The following ADAMTS2 variants were observed in gnomAD, a reference collection of about 807,000 sequenced individuals.
ADAMTS2 encodes A disintegrin and metalloproteinase with thrombospondin motifs 2.
ADAMTS2 carries 50 observed loss-of-function variants against 123.0 expected under a neutral mutation model. That is an observed-to-expected ratio of 0.41 (90% CI 0.32 to 0.51). ADAMTS2 has a LOEUF of 0.51. ADAMTS2 is among the 20% of genes least tolerant of loss of function. The probability of loss-of-function intolerance (pLI) is 0.35; values close to 1 mark genes in which losing one functional copy is unlikely to be tolerated. For synonymous variants in ADAMTS2, 678 were observed against 695.4 expected, an observed-to-expected ratio of 0.98 and a Z score of 0.39; for missense variants, 1,494 against 1,705.2, an observed-to-expected ratio of 0.88 and a Z score of 2.18.
At chr5:179,281,654 G>C (rs1237661894) in intron 2 of ADAMTS2, among the ~76,000 whole-genome samples, 1 of 152,164 alleles carries the variant, frequency 6.6e-6, no homozygotes. Context: ...GAACATCTGT[G>C]GACAAGTTTT....
chr5:179,247,137 C>T (rs1318769837), intron 3 of ADAMTS2, among the ~76,000 whole-genome samples: 2 of 151,874 alleles, frequency 1.3e-5, no homozygotes, highest in African/African-American at 4.8e-5. Flanking sequence ...GGGCAAATAA[C>T]GTAAGTAAAG....
chr5:179,224,179 C>T (rs199586675), intron 3 of ADAMTS2, among the ~76,000 whole-genome samples: 34 of 152,256 alleles, frequency 2.2e-4, no homozygotes, highest in South Asian at 1.0e-3. Flanking sequence ...GTGAGGTCAG[C>T]GGGGCAGGTG....
At chr5:179,140,081 C>G (rs34369919) in intron 10 of ADAMTS2, 46 bp from the exon 11 acceptor site, 1 of 1,612,436 alleles carries the variant, frequency 6.2e-7, no homozygotes, top group Admixed American at 1.7e-5. Flanking sequence ...CACACCGGGC[C>G]GTGGGGACAG....
intron 2 of ADAMTS2, among the ~76,000 whole-genome samples, chr5:179,337,184 C>T (rs1185025025): frequency 6.6e-6 from 1 of 152,126 alleles, no homozygotes; most frequent in African/African-American, 2.4e-5. Context: ...CCGGGGTAAC[C>T]ACCAGTAGGG....
At chr5:179,296,841 A>G in intron 2 of ADAMTS2, among the ~76,000 whole-genome samples, 1 of 152,194 alleles carries the variant, frequency 6.6e-6, no homozygotes. Flanking sequence ...TATCACTAAC[A>G]CAACCATCAA....
chr5:179,163,203 GC>G (rs1763632847), intron 5 of ADAMTS2, among the ~76,000 whole-genome samples: 1 of 152,238 alleles, frequency 6.6e-6, no homozygotes, highest in African/African-American at 2.4e-5. Context: ...GCCTACAGGA[GC>G]AAGGCAGGTG....
rs1014392547 is a variant in ADAMTS2, at chr5:179,207,522, G to C, written c.882C>G (p.Leu294=). Reference sequence around the variant, plus strand: ...CAGCCACCCCACTCACAATGTTCATGAGTGTCAGCAGGTACTTCTGTACGT... The same window carrying C: ...CAGCCACCCCACTCACAATGTTCATCAGTGTCAGCAGGTACTTCTGTACGT... The part of the protein sequence containing the change: ...KEHVQKYLLT[L]MNIVNEIYHD... The change falls in exon 4 of 22, where the codon CTC becomes CTG. Residue 294 remains leucine, a synonymous_variant. Coordinates refer to ENST00000251582, the MANE Select transcript of ADAMTS2 (RefSeq NM_014244.5). The C allele has an allele frequency of 1.4e-6, 2 of 1,389,914 alleles. No homozygotes were observed. The highest frequency in any genetic ancestry group is 3.1e-5 in the African/African-American group (2 of 64,030). 86.1% of individuals were successfully genotyped at this position (1,389,914 alleles called of 1,614,324 possible). A position where few individuals can be genotyped will look rare whatever the true frequency, so the allele number is the denominator to read the frequency against.
chr5:179,216,080 C>T (rs1764971930), intron 3 of ADAMTS2, among the ~76,000 whole-genome samples: 1 of 152,192 alleles, frequency 6.6e-6, no homozygotes, highest in Non-Finnish European at 1.5e-5. Flanking sequence ...AAGAGTAAGA[C>T]ACAGATATAG....
rs574427659 is a variant in ADAMTS2, at chr5:179,328,312, G to A, written c.534+15455C>T. Among the ~76,000 whole-genome samples, 18 of 152,366 alleles carry A rather than the reference G, an allele frequency of 1.2e-4. No homozygotes were observed. The East Asian group carries it at 2.1e-3, about 18-fold the overall frequency. On this transcript the variant is annotated intron_variant, in intron 2 of 21. Coordinates refer to ENST00000251582, the MANE Select transcript of ADAMTS2 (RefSeq NM_014244.5). ...CTCCCAAAGTGCTGGGATTGCAGGCGTGAGCCACCGCACCCGGCAAGAGAT... is the reference window on the plus strand; with the variant it reads ...CTCCCAAAGTGCTGGGATTGCAGGCATGAGCCACCGCACCCGGCAAGAGAT...
rs543452977 is a variant in ADAMTS2, at chr5:179,266,732, C to T, written c.688+6179G>A. ...CCTGGCATTCAGCAAATTGGCACCC[C>T]CCAACAAAGCACACGGCCCTCCTGC... On this transcript the variant is annotated intron_variant, in intron 3 of 21. Coordinates refer to ENST00000251582, the MANE Select transcript of ADAMTS2 (RefSeq NM_014244.5). Among the ~76,000 whole-genome samples, 8 of 152,342 alleles carry T rather than the reference C, an allele frequency of 5.3e-5. No homozygotes were observed. The South Asian group carries it at 1.7e-3, about 32-fold the overall frequency.
At chr5:179,323,953 T>C (rs899940674) in intron 2 of ADAMTS2, among the ~76,000 whole-genome samples, 1 of 152,254 alleles carries the variant, frequency 6.6e-6, no homozygotes, top group Non-Finnish European at 1.5e-5. Flanking sequence ...TGGAATCATA[T>C]CTTTCCATCC....
chr5:179,206,886 G>C (rs538297565), intron 4 of ADAMTS2, among the ~76,000 whole-genome samples: 2 of 152,138 alleles, frequency 1.3e-5, no homozygotes, highest in Non-Finnish European at 2.9e-5. Flanking sequence ...CCCAGAAGAC[G>C]AAGGTGGCAC....
chr5:179,121,811 CAG>C (rs976464628), intron 20 of ADAMTS2, 61 bp from the exon 21 acceptor site: 1 of 1,202,020 alleles, frequency 8.3e-7, no homozygotes, highest in Non-Finnish European at 1.2e-6. Context: ...CCACCCCAGG[CAG>C]AGAGGCTCCG....
intron 3 of ADAMTS2, among the ~76,000 whole-genome samples, chr5:179,270,385 C>T (rs1430554048): frequency 2.0e-5 from 3 of 152,238 alleles, no homozygotes; most frequent in Admixed American, 6.5e-5. Flanking sequence ...GGGTGCTTCA[C>T]ACCCACTTCC....
intron 4 of ADAMTS2, among the ~76,000 whole-genome samples, chr5:179,206,421 C>G (rs940788117): frequency 9.2e-5 from 14 of 152,196 alleles, no homozygotes; most frequent in African/African-American, 3.1e-4. Context: ...CACCCTGCTG[C>G]CTGCCTCTAG....
Position 179,132,186 on chromosome 5 carries a change from A to T in ADAMTS2, c.2290+44T>A, listed in dbSNP as rs368032885. ...GCACTCTGCCCATTGATCCCAGAGG[A>T]GCCAGGTCCTGAGGACGTCAAGTTG... is the stretch of plus-strand genomic sequence containing the variant. On this transcript the variant is annotated intron_variant, in intron 15 of 21. Transcript: ENST00000251582. This position sits in a 1 kb window ranked among gnomAD's most constrained non-coding sequence, Gnocchi z 6.1. The T allele has an allele frequency of 6.9e-6, 11 of 1,582,932 alleles. No homozygotes were observed. The highest frequency in any genetic ancestry group is 9.5e-6 in the Non-Finnish European group (11 of 1,153,566).
intron 4 of ADAMTS2, among the ~76,000 whole-genome samples, chr5:179,206,014 C>G (rs1764682619): frequency 6.6e-6 from 1 of 152,166 alleles, no homozygotes; most frequent in East Asian, 1.9e-4. Context: ...CCACCTCGGC[C>G]TCCCAAAGTG....
intron 4 of ADAMTS2, among the ~76,000 whole-genome samples, chr5:179,186,944 C>T (rs915244195): frequency 2.6e-5 from 4 of 151,746 alleles, no homozygotes; most frequent in African/African-American, 4.8e-5. Context: ...CCAGTGCCTT[C>T]GGAAGCAGGG....
At chr5:179,241,354 C>A (rs1442380841) in intron 3 of ADAMTS2, among the ~76,000 whole-genome samples, 2 of 152,214 alleles carry the variant, frequency 1.3e-5, no homozygotes, top group Non-Finnish European at 2.9e-5. Flanking sequence ...CAGCCAGCCT[C>A]TGTGAGGCAC....
Sources: gnomAD v4.1 joint callset for allele counts (sites outside exome capture counted in the v4.1 genomes callset) on GRCh38, gnomAD v4.1.1 for gene constraint, Gnocchi (gnomAD v3.1) non-coding constraint, MANE v1.5 for transcripts, NCBI Gene and HGNC (gene_info 2026-07-23, HGNC 2026-07-21) for gene names.